PUM1: variants seen among roughly 807,000 people sequenced by gnomAD.
PUM1 encodes the protein pumilio RNA binding family member 1.
Under a neutral mutation model 131.8 loss-of-function variants are expected in PUM1, and 13 were observed. The observed-to-expected ratio is 0.10, with a 90% confidence interval of 0.06 to 0.16. The LOEUF (loss-of-function observed/expected upper bound fraction) is 0.16. Among genes scored for constraint, PUM1 ranks in the 10% least tolerant of loss-of-function variants. The pLI is 1.00. For missense variants in PUM1, 961 were observed against 1,512.4 expected (o/e 0.64, Z 6.05); for synonymous variants, 509 against 556.5 (o/e 0.91, Z 1.20).
intron 2 of PUM1, among the ~76,000 whole-genome samples, chr1:31,032,873 A>G (rs906759168): frequency 6.6e-6 from 1 of 152,142 alleles, no homozygotes; most frequent in Non-Finnish European, 1.5e-5. Flanking sequence ...TGGGAGGCTA[A>G]GGCGGGCAGA....
chr1:31,030,180 G>C (rs1643373262), intron 2 of PUM1, among the ~76,000 whole-genome samples: 1 of 151,990 alleles, frequency 6.6e-6, no homozygotes, highest in Non-Finnish European at 1.5e-5. Flanking sequence ...TTGCACTCCA[G>C]CCTGGGTGAC....
At chr1:30,988,383 TA>T (rs1641649016) in intron 7 of PUM1, among the ~76,000 whole-genome samples, 1 of 152,210 alleles carries the variant, frequency 6.6e-6, no homozygotes, top group Non-Finnish European at 1.5e-5. Context: ...GAAACCAGCT[TA>T]TTACACCAAA....
chr1:31,049,928 CAAGTGATTCT>C (rs1644068866), intron 2 of PUM1, among the ~76,000 whole-genome samples: 1 of 140,352 alleles, frequency 7.1e-6, no homozygotes, highest in Non-Finnish European at 1.5e-5. Context: ...CTCCCAGGTT[CAAGTGATTCT>C]CCTGCCTCAG....
intron 9 of PUM1, among the ~76,000 whole-genome samples, chr1:30,978,128 C>T (rs537852898): frequency 9.9e-5 from 15 of 152,080 alleles, no homozygotes; most frequent in Admixed American, 7.9e-4. Context: ...GCCTGTAGTC[C>T]CAGTTATTCA....
chr1:30,950,129 T>C lies in PUM1; in HGVS notation c.2854A>G (p.Ile952Val), dbSNP rs146226392. The C allele has an allele frequency of 2.1e-3, 3,409 of 1,611,500 alleles. 12 individuals carry two copies. Among genetic ancestry groups the C allele is most frequent in the South Asian group, 4.8e-3 (433 of 90,412 alleles). The change falls in exon 17 of 22, where the codon ATT becomes GTT. Residue 952 changes from isoleucine to valine, a missense_variant and splice_region_variant. Physicochemically the swap from Ile to Val is conservative, Grantham distance 29. Transcript: ENST00000426105. ...LEFIPSDQQV[I>V]NEMVRELDGH... ...GAAAAGTTAAAGGGGAAACTTACAA[T>C]TACCTGCTGGTCTGAAGGAATAAAC...
intron 5 of PUM1, among the ~76,000 whole-genome samples, chr1:30,999,172 A>G (rs1191303902): frequency 1.3e-5 from 2 of 151,942 alleles, no homozygotes; most frequent in Non-Finnish European, 2.9e-5. Flanking sequence ...GCTGATTTTT[A>G]TATTTTTTGT....
At chr1:30,998,416 A>C (rs1332813120) in intron 5 of PUM1, among the ~76,000 whole-genome samples, 1 of 152,098 alleles carries the variant, frequency 6.6e-6, no homozygotes, top group Non-Finnish European at 1.5e-5. Flanking sequence ...GGAAGGATCT[A>C]GGTTGAGGCC....
intron 3 of PUM1, among the ~76,000 whole-genome samples, chr1:31,009,514 C>T (rs779755716): frequency 2.6e-5 from 4 of 151,948 alleles, no homozygotes; most frequent in Non-Finnish European, 5.9e-5. Context: ...GCCTGTAATC[C>T]CAGCACCTTG....
At chr1:30,997,086 AG>A (rs1349789638) in intron 5 of PUM1, among the ~76,000 whole-genome samples, 1 of 152,214 alleles carries the variant, frequency 6.6e-6, no homozygotes, top group Non-Finnish European at 1.5e-5. Context: ...CAACAGCAAA[AG>A]AATATTACAA....
intron 5 of PUM1, among the ~76,000 whole-genome samples, chr1:31,003,373 A>G (rs1019276707): frequency 1.1e-4 from 16 of 152,244 alleles, no homozygotes; most frequent in Non-Finnish European, 1.5e-4. Context: ...GCTTCCACAA[A>G]AAGAGCTTTG....
intron 2 of PUM1, among the ~76,000 whole-genome samples, chr1:31,038,320 A>G (rs1471349470): frequency 6.6e-6 from 1 of 152,096 alleles, no homozygotes; most frequent in Non-Finnish European, 1.5e-5. Context: ...CAAGGGGGAA[A>G]AACTTTAACC....
intron 14 of PUM1, among the ~76,000 whole-genome samples, chr1:30,955,043 T>C (rs1163478816): frequency 1.3e-5 from 2 of 151,388 alleles, no homozygotes; most frequent in Non-Finnish European, 2.9e-5. Context: ...CACTCCAGTC[T>C]AGGCAACAGA....
chr1:31,059,508 G>C lies in PUM1; in HGVS notation c.59C>G (p.Pro20Arg). Residue 20 changes from proline to arginine, a missense_variant, in exon 2 of 22, where the codon CCC (proline) becomes CGC (arginine). Pro to Arg is a moderately radical substitution (Grantham distance 103). This residue lies in a region of PUM1 where 654 missense variants were observed against 923.9 expected (regional missense o/e 0.71). Coordinates refer to ENST00000426105, the MANE Select transcript of PUM1 (RefSeq NM_001020658.2). ...KAVLWQDSFS[P>R]HLKHHPQEPA... ...TTCTTGAGGGTGATGTTTCAGGTGGGGGCTGAAAGAGTCCTGCCAAAGCAC... is the reference window on the plus strand; with the variant it reads ...TTCTTGAGGGTGATGTTTCAGGTGGCGGCTGAAAGAGTCCTGCCAAAGCAC... 6.2e-7 allele frequency: 1 copy of C among 1,614,026 alleles called. No individual in the cohort carries two copies. Among genetic ancestry groups the C allele is most frequent in the Non-Finnish European group, 8.5e-7 (1 of 1,179,924 alleles).
chr1:30,967,039 T>C (rs997043919), intron 12 of PUM1, 128 bp downstream of exon 12: 15 of 1,172,950 alleles, frequency 1.3e-5, no homozygotes, highest in Non-Finnish European at 1.7e-5. Flanking sequence ...GATCTCTTTT[T>C]GAAACATTAC....
At position 30,931,829 on chromosome 1, in the gene PUM1, GA is replaced by G. The variant is rs1257764276; in HGVS notation, c.*1381del. On this transcript the variant is annotated 3_prime_UTR_variant, in exon 22 of 22. Transcript: ENST00000426105. ...GGGCGATTCACACTTTACAAGGTGA[GA>G]GGGGCTCTGATTGTAAGGAAAGCTC... is the stretch of plus-strand genomic sequence containing the variant. 1 of 152,584 alleles carries G rather than the reference GA, an allele frequency of 6.6e-6. No individual in the cohort carries two copies. The highest frequency in any genetic ancestry group is 1.5e-5 in the Non-Finnish European group (1 of 68,042). 9.5% of individuals were successfully genotyped at this position (152,584 alleles called of 1,614,324 possible).
chr1:31,046,204 A>G (rs1643957865), intron 2 of PUM1, among the ~76,000 whole-genome samples: 1 of 151,840 alleles, frequency 6.6e-6, no homozygotes, highest in African/African-American at 2.4e-5. Flanking sequence ...CTCACCAAGA[A>G]GGAGAAATCC....
chr1:31,011,164 T>TATACAC (rs368750027), intron 3 of PUM1, among the ~76,000 whole-genome samples: 2 of 142,976 alleles, frequency 1.4e-5, no homozygotes, highest in African/African-American at 5.3e-5. Flanking sequence ...TCTCTTAAAA[T>TATACAC]ACACACACAC....
intron 14 of PUM1, 26 bp downstream of exon 14, chr1:30,964,648 G>C: frequency 6.4e-7 from 1 of 1,559,490 alleles, no homozygotes; most frequent in Non-Finnish European, 8.8e-7. Flanking sequence ...TAGAGTTCAA[G>C]GTGGTGTTAG....
At chr1:31,005,288 T>C (rs539636042) in intron 5 of PUM1, among the ~76,000 whole-genome samples, 1 of 152,280 alleles carries the variant, frequency 6.6e-6, no homozygotes, top group African/African-American at 2.4e-5. Context: ...TCAAAAAAAT[T>C]TGTAAGAAAG....
Sources: allele counts gnomAD v4.1 joint callset (sites outside exome capture counted in the v4.1 genomes callset), GRCh38; gene constraint gnomAD v4.1.1; regional missense constraint gnomAD v4.1.1; transcripts MANE v1.5; gene names NCBI Gene and HGNC (gene_info 2026-07-23, HGNC 2026-07-21).